The following PRKCA variants were observed in gnomAD, a reference collection of about 807,000 sequenced individuals.
PRKCA encodes the protein protein kinase C alpha type.
In PRKCA, 27 loss-of-function variants were observed where a neutral mutation model predicts 87.0. That is an observed-to-expected ratio of 0.31 (90% CI 0.23 to 0.43). The LOEUF is 0.43. PRKCA is among the 20% of genes least tolerant of loss of function. The pLI, the probability that PRKCA is intolerant of heterozygous loss-of-function variation, is 1.00. For missense variants in PRKCA, 518 were observed against 852.3 expected (o/e 0.61, Z 4.88); for synonymous variants, 329 against 311.1 (o/e 1.06, Z -0.61).
At chr17:66,761,440 T>A (rs1458397684) in intron 13 of PRKCA, among the ~76,000 whole-genome samples, 1 of 152,002 alleles carries the variant, frequency 6.6e-6, no homozygotes, top group African/African-American at 2.4e-5. Context: ...TTTCTTTATT[T>A]TTCTTTACTT....
At chr17:66,472,547 C>T (rs1397739695) in intron 2 of PRKCA, among the ~76,000 whole-genome samples, 1 of 152,208 alleles carries the variant, frequency 6.6e-6, no homozygotes, top group African/African-American at 2.4e-5. Context: ...AAATTGACCT[C>T]ATAGTTCCTT....
intron 2 of PRKCA, among the ~76,000 whole-genome samples, chr17:66,451,197 G>A (rs1481340493): frequency 6.6e-6 from 1 of 152,192 alleles, no homozygotes; most frequent in East Asian, 1.9e-4. Flanking sequence ...AAGTATCCAT[G>A]CTGGTCTAGT....
At chr17:66,729,318 C>T (rs951286702) in intron 8 of PRKCA, among the ~76,000 whole-genome samples, 3 of 152,112 alleles carry the variant, frequency 2.0e-5, no homozygotes, top group African/African-American at 7.2e-5. Flanking sequence ...GCAGGAGAAT[C>T]GCTTGAACCC....
chr17:66,714,819 C>T (rs1005221063), intron 8 of PRKCA, among the ~76,000 whole-genome samples: 5 of 152,318 alleles, frequency 3.3e-5, no homozygotes, highest in African/African-American at 4.8e-5. Flanking sequence ...CCTTCCTGAG[C>T]GCCTAGTGAG....
At chr17:66,487,676 G>C (rs1916044486) in intron 2 of PRKCA, among the ~76,000 whole-genome samples, 2 of 152,102 alleles carry the variant, frequency 1.3e-5, no homozygotes, top group Non-Finnish European at 2.9e-5. Context: ...ATCCCCACCA[G>C]TATCTGTTCT....
At chr17:66,637,949 G>A (rs1971188274) in intron 3 of PRKCA, among the ~76,000 whole-genome samples, 1 of 152,134 alleles carries the variant, frequency 6.6e-6, no homozygotes, top group Non-Finnish European at 1.5e-5. Context: ...TTTCCTAAAA[G>A]GACCCAAATA....
At chr17:66,766,808 CAAAA>C (rs559889725) in intron 13 of PRKCA, among the ~76,000 whole-genome samples, 1 of 104,396 alleles carries the variant, frequency 9.6e-6, no homozygotes. Context: ...AACTCCTTCT[CAAAA>C]AAAAAAAAAA....
At chr17:66,320,581 G>A (rs1244419121) in intron 2 of PRKCA, among the ~76,000 whole-genome samples, 2 of 152,046 alleles carry the variant, frequency 1.3e-5, no homozygotes, top group African/African-American at 4.8e-5. Flanking sequence ...TAAAGAACTC[G>A]TATTAAAGAA....
chr17:66,613,091 A>G (rs561018886), intron 3 of PRKCA, among the ~76,000 whole-genome samples: 23 of 152,338 alleles, frequency 1.5e-4, no homozygotes, highest in African/African-American at 5.3e-4. Flanking sequence ...CTTATCCCCA[A>G]ATCTAATTAG....
At chr17:66,765,221 C>A (rs1974771302) in intron 13 of PRKCA, among the ~76,000 whole-genome samples, 1 of 151,746 alleles carries the variant, frequency 6.6e-6, no homozygotes, top group Admixed American at 6.6e-5. Flanking sequence ...CAAGACCATC[C>A]TGGCCAACAT....
chr17:66,365,368 G>A (rs75658315), intron 2 of PRKCA, among the ~76,000 whole-genome samples: 2,051 of 152,254 alleles, frequency 0.013, 55 homozygotes, highest in African/African-American at 0.047. Context: ...AGCTTAAGTA[G>A]GAGGAAGAAA....
Position 66,614,799 on chromosome 17 carries a change from G to C in PRKCA, c.289-26556G>C, listed in dbSNP as rs112948142. ...TTCTTTTTGTGCTTACTGCCAAAAA[G>C]GGTTTAGGGATACATGTGTCGTACC... On this transcript the variant is annotated intron_variant, in intron 3 of 16. Coordinates refer to ENST00000413366, the MANE Select transcript of PRKCA (RefSeq NM_002737.3). 4.2e-4 allele frequency among the ~76,000 whole-genome samples: 64 copies of C among 152,338 alleles called. 1 individual carries two copies. The highest frequency in any genetic ancestry group is 1.5e-3 in the African/African-American group (62 of 41,578).
intron 8 of PRKCA, among the ~76,000 whole-genome samples, chr17:66,717,831 C>G (rs865827991): frequency 1.3e-5 from 2 of 152,354 alleles, no homozygotes; most frequent in African/African-American, 4.8e-5. Flanking sequence ...TTCTGAGGCC[C>G]TCGCTGCAGT....
At chr17:66,579,016 G>A (rs56292749) in intron 3 of PRKCA, among the ~76,000 whole-genome samples, 33,467 of 152,206 alleles carry the variant, frequency 0.22, 3,835 homozygotes, top group South Asian at 0.33. Flanking sequence ...TGTGCAGGCT[G>A]TGGCCTCTTG....
rs1327241353 is a variant in PRKCA, at chr17:66,731,827, A to G, written c.919-861A>G. ...TGAGACAGAGTCTTGCTCTGTCGCC[A>G]GGCTGGAGTGCAATGGCGCGATCTC... On this transcript the variant is annotated intron_variant, in intron 8 of 16. Transcript: ENST00000413366. 1.8e-5 allele frequency among the ~76,000 whole-genome samples: 2 copies of G among 112,952 alleles called. 1 individual carries two copies. The highest frequency in any genetic ancestry group is 3.3e-5 in the Non-Finnish European group (2 of 60,890). 74.1% of individuals were successfully genotyped at this position (112,952 alleles called of 152,430 possible).
chr17:66,568,299 A>G (rs1294783231), intron 3 of PRKCA, among the ~76,000 whole-genome samples: 2 of 152,212 alleles, frequency 1.3e-5, no homozygotes, highest in Non-Finnish European at 2.9e-5. Flanking sequence ...AGACGACAGA[A>G]TAAGACTCTG....
At chr17:66,446,452 A>G (rs546637801) in intron 2 of PRKCA, among the ~76,000 whole-genome samples, 11 of 152,302 alleles carry the variant, frequency 7.2e-5, no homozygotes, top group Admixed American at 2.0e-4. Context: ...GGCATTTTCA[A>G]TGTCTTCTGT....
At chr17:66,495,178 C>T (rs1186617361) in intron 2 of PRKCA, among the ~76,000 whole-genome samples, 3 of 151,330 alleles carry the variant, frequency 2.0e-5, no homozygotes, top group African/African-American at 7.3e-5. Context: ...GACTATTTAT[C>T]AAAACCATGT....
chr17:66,670,927 G>A (rs1315922953), intron 5 of PRKCA, among the ~76,000 whole-genome samples: 2 of 151,848 alleles, frequency 1.3e-5, no homozygotes, highest in African/African-American at 2.4e-5. Flanking sequence ...GTAAAAGAGT[G>A]AAGGCTGGGT....
Sources: allele counts gnomAD v4.1 joint callset (sites outside exome capture counted in the v4.1 genomes callset), GRCh38; gene constraint gnomAD v4.1.1; transcripts MANE v1.5; gene names NCBI Gene and HGNC (gene_info 2026-07-23, HGNC 2026-07-21).